GLI3: variants seen among roughly 807,000 people sequenced by gnomAD.
GLI3 encodes the protein GLI family zinc finger 3, also known as transcription activator GLI3.
GLI3 carries 20 observed loss-of-function variants against 100.8 expected under a neutral mutation model. The ratio of observed to expected loss-of-function variants is 0.20; its 90% CI spans 0.14 to 0.29. The LOEUF (loss-of-function observed/expected upper bound fraction) is 0.29, where lower values mean the gene tolerates loss of function less well. Among genes scored for constraint, GLI3 ranks in the 10% least tolerant of loss-of-function variants. GLI3 has a pLI of 1.00. For synonymous variants in GLI3, 938 were observed against 860.5 expected, an observed-to-expected ratio of 1.09 and a Z score of -1.58; for missense variants, 2,040 against 2,128.5, an observed-to-expected ratio of 0.96 and a Z score of 0.82.
intron 4 of GLI3, among the ~76,000 whole-genome samples, chr7:42,055,566 C>G (rs1214171382): frequency 4.6e-5 from 7 of 152,158 alleles, no homozygotes; most frequent in Non-Finnish European, 7.3e-5. Context: ...CTCCAGCCCT[C>G]ACTGAATCAC....
chr7:42,233,702 G>C (rs1400931866), intron 1 of GLI3, among the ~76,000 whole-genome samples: 1 of 152,172 alleles, frequency 6.6e-6, no homozygotes, highest in East Asian at 1.9e-4. Flanking sequence ...GTTTGCAGCA[G>C]TACCCCCTGC....
intron 1 of GLI3, among the ~76,000 whole-genome samples, chr7:42,224,349 G>A (rs1477171017): frequency 4.6e-5 from 7 of 152,128 alleles, no homozygotes; most frequent in Non-Finnish European, 4.4e-5. Flanking sequence ...GCAACTGCTT[G>A]ACCAACTAAA....
intron 1 of GLI3, among the ~76,000 whole-genome samples, chr7:42,236,587 G>A (rs1046038002): frequency 2.0e-5 from 3 of 152,308 alleles, no homozygotes; most frequent in East Asian, 1.9e-4. Flanking sequence ...CCGAGCCGTA[G>A]AGCGCCACCG....
chr7:41,987,773 G>A (rs987745228), intron 10 of GLI3, among the ~76,000 whole-genome samples: 7 of 152,112 alleles, frequency 4.6e-5, no homozygotes, highest in Non-Finnish European at 7.4e-5. Context: ...AAAAATTGAC[G>A]CACTGTTAAT....
chr7:42,148,462 T>C lies in GLI3; in HGVS notation c.131A>G (p.Glu44Gly), dbSNP rs1786776879. 1 of 1,613,514 alleles carries C rather than the reference T, an allele frequency of 6.2e-7. No individual in the cohort carries two copies. The highest frequency in any genetic ancestry group is 1.7e-5 in the Admixed American group (1 of 60,004). Residue 44 changes from glutamate to glycine, a missense_variant, in exon 3 of 15, where the codon GAA becomes GGA. Glu to Gly is a moderately conservative substitution (Grantham distance 98). Around this residue, in one of 5 missense-constraint regions of GLI3, gnomAD observed 603 missense variants for 690.9 expected, o/e 0.87. Coordinates refer to ENST00000395925, the MANE Select transcript of GLI3 (RefSeq NM_000168.6). Reference protein sequence around the residue: ...VASSTTSNEDESPGQTYHRER... With the variant: ...VASSTTSNEDGSPGQTYHRER... ...TCTGTGATAAGTCTGTCCAGGACTT[T>C]CATCCTCTAAAGAAAGAAGAAAAAT... is the stretch of plus-strand genomic sequence containing the variant.
intron 2 of GLI3, among the ~76,000 whole-genome samples, chr7:42,178,336 G>A (rs1477456606): frequency 3.9e-5 from 6 of 152,202 alleles, no homozygotes; most frequent in African/African-American, 1.2e-4. Flanking sequence ...CCCAGATGCA[G>A]GCGCTTAATT....
At chr7:42,218,650 T>C (rs1344219658) in intron 2 of GLI3, among the ~76,000 whole-genome samples, 3 of 152,200 alleles carry the variant, frequency 2.0e-5, no homozygotes, top group Middle Eastern at 6.8e-3. Flanking sequence ...AAGAACCAAA[T>C]TCTTGTTTTT....
intron 13 of GLI3, among the ~76,000 whole-genome samples, chr7:41,969,237 A>G (rs946403531): frequency 2.6e-5 from 4 of 152,190 alleles, no homozygotes; most frequent in African/African-American, 9.6e-5. Context: ...CTGGACTCCT[A>G]GGCCGGCTAC....
chr7:42,188,141 T>C (rs995921464), intron 2 of GLI3, among the ~76,000 whole-genome samples: 2 of 152,034 alleles, frequency 1.3e-5, no homozygotes, highest in South Asian at 2.1e-4. Flanking sequence ...TCCCAGGAGA[T>C]GGAAGAGGCA....
intron 12 of GLI3, among the ~76,000 whole-genome samples, chr7:41,973,787 T>C (rs1434567453): frequency 6.6e-6 from 1 of 152,230 alleles, no homozygotes; most frequent in Non-Finnish European, 1.5e-5. Context: ...AATGCTGAAA[T>C]GTCCTAATGC....
chr7:42,171,272 C>T (rs989125885), intron 2 of GLI3, among the ~76,000 whole-genome samples: 3 of 152,174 alleles, frequency 2.0e-5, no homozygotes, highest in African/African-American at 7.2e-5. Context: ...TTTAGCAAGA[C>T]ATTTTAACAC....
chr7:41,961,766 C>G lies in GLI3; in HGVS notation c.*2564G>C, dbSNP rs1372832374. On this transcript the variant is annotated 3_prime_UTR_variant, in exon 15 of 15. Transcript: ENST00000395925. ...CTACAGAGATCCCAAAAGGATGTCC[C>G]AAAAAGATGCTTCTAAGTGACCTCA... 6.6e-6 allele frequency: 1 copy of G among 152,054 alleles called. No homozygotes were observed. The highest frequency in any genetic ancestry group is 2.4e-5 in the African/African-American group (1 of 41,368). 9.4% of individuals were successfully genotyped at this position (152,054 alleles called of 1,614,324 possible).
In GLI3 at chr7:41,965,600, A is replaced by G. The variant is rs756384373; in HGVS notation, c.3473T>C (p.Leu1158Pro). 1.4e-5 allele frequency: 22 copies of G among 1,607,236 alleles called. No individual in the cohort carries two copies. The highest frequency in any genetic ancestry group is 1.9e-5 in the Non-Finnish European group (22 of 1,174,536). ...QPCPEGSKTD[L>P]PIQWNEVSSG... ...GCTGACTTCGTTCCACTGAATGGGC[A>G]GGTCGGTTTTGCTGCCCTCGGGGCA... The change falls in exon 15 of 15, where the codon CTG becomes CCG. Residue 1158 changes from leucine to proline, a missense_variant. Physicochemically the swap from Leu to Pro is moderately conservative, Grantham distance 98. Transcript: ENST00000395925.
chr7:42,235,454 C>A (rs1788771010), intron 1 of GLI3, among the ~76,000 whole-genome samples: 1 of 152,116 alleles, frequency 6.6e-6, no homozygotes, highest in Non-Finnish European at 1.5e-5. Context: ...ATGCCCAATG[C>A]GCTCAAGCTG....
At chr7:42,244,054 G>A (rs1306886732) in intron 1 of GLI3, among the ~76,000 whole-genome samples, 2 of 152,126 alleles carry the variant, frequency 1.3e-5, no homozygotes, top group East Asian at 1.9e-4. Flanking sequence ...GGCTGGTCTC[G>A]AACTTCTGAC....
At chr7:42,147,498 T>C (rs1460407893) in intron 3 of GLI3, among the ~76,000 whole-genome samples, 1 of 152,174 alleles carries the variant, frequency 6.6e-6, no homozygotes, top group Non-Finnish European at 1.5e-5. Context: ...ATGAACTTCA[T>C]TACTCCACAA....
chr7:42,020,530 T>C (rs1788906175), intron 10 of GLI3, among the ~76,000 whole-genome samples: 1 of 152,124 alleles, frequency 6.6e-6, no homozygotes. Context: ...GGAAAAAGAA[T>C]GGGTCACGGC....
At chr7:42,019,771 A>G (rs565323788) in intron 10 of GLI3, among the ~76,000 whole-genome samples, 9 of 152,346 alleles carry the variant, frequency 5.9e-5, no homozygotes, top group Non-Finnish European at 1.2e-4. Flanking sequence ...ATCTTGGCAA[A>G]TCAATAATAA....
chr7:42,132,256 A>G (rs1185975998), intron 3 of GLI3, among the ~76,000 whole-genome samples: 1 of 151,382 alleles, frequency 6.6e-6, no homozygotes, highest in East Asian at 1.9e-4. Flanking sequence ...GCCCGCCACT[A>G]CGCCCGGCTA....
Sources: allele counts gnomAD v4.1 joint callset (sites outside exome capture counted in the v4.1 genomes callset), GRCh38; gene constraint gnomAD v4.1.1; regional missense constraint gnomAD v4.1.1; transcripts MANE v1.5; gene names NCBI Gene and HGNC (gene_info 2026-07-23, HGNC 2026-07-21).